The following QKI variants were observed in gnomAD, a reference collection of about 807,000 sequenced individuals.
QKI encodes KH domain-containing RNA-binding protein QKI.
In QKI, 10 loss-of-function variants were observed where a neutral mutation model predicts 39.0. The observed-to-expected ratio is 0.26, with a 90% confidence interval of 0.16 to 0.43. QKI has a LOEUF of 0.43. Among genes scored for constraint, QKI ranks in the 20% least tolerant of loss-of-function variants. QKI has a pLI of 1.00. For missense variants in QKI, 218 were observed against 428.0 expected, an observed-to-expected ratio of 0.51 and a Z score of 4.33; for synonymous variants, 204 against 155.4, an observed-to-expected ratio of 1.31 and a Z score of -2.33.
chr6:163,518,805 A>G (rs1441081020), intron 3 of QKI, among the ~76,000 whole-genome samples: 1 of 152,126 alleles, frequency 6.6e-6, no homozygotes, highest in African/African-American at 2.4e-5. Flanking sequence ...TTTCAGCATG[A>G]TTTACAAAGA....
chr6:163,468,439 T>A (rs1418814644), intron 2 of QKI, among the ~76,000 whole-genome samples: 2 of 152,338 alleles, frequency 1.3e-5, no homozygotes, highest in African/African-American at 2.4e-5. Context: ...ATTGTGATAA[T>A]GTGTTGCAGG....
chr6:163,434,747 TATAG>T (rs746697557), intron 1 of QKI, among the ~76,000 whole-genome samples: 1 of 152,014 alleles, frequency 6.6e-6, no homozygotes, highest in Non-Finnish European at 1.5e-5. Context: ...ATGTTAATTA[TATAG>T]ATAATCTTTA....
At chr6:163,566,560 A>C in intron 6 of QKI, 161 bp from the exon 7 acceptor site, 1 of 1,496,860 alleles carries the variant, frequency 6.7e-7, no homozygotes, top group Non-Finnish European at 8.9e-7. Flanking sequence ...TATATACATG[A>C]CATATTGTGG....
intron 1 of QKI, among the ~76,000 whole-genome samples, chr6:163,434,235 G>C (rs1789068915): frequency 6.6e-6 from 1 of 152,150 alleles, no homozygotes; most frequent in Non-Finnish European, 1.5e-5. Context: ...GCCTGAGATG[G>C]AAGGGGCCAC....
intron 4 of QKI, among the ~76,000 whole-genome samples, chr6:163,540,118 G>A (rs1457157500): frequency 2.1e-5 from 3 of 145,504 alleles, no homozygotes; most frequent in African/African-American, 5.1e-5. Context: ...CTTTTTTTTT[G>A]GAAAGATAGA....
chr6:163,439,416 C>T (rs532469046), intron 1 of QKI, among the ~76,000 whole-genome samples: 55 of 144,528 alleles, frequency 3.8e-4, no homozygotes, highest in African/African-American at 1.3e-3. Context: ...GGCACGATCT[C>T]GGCTCAATGC....
chr6:163,448,758 A>G (rs1454178482), intron 1 of QKI, among the ~76,000 whole-genome samples: 2 of 151,986 alleles, frequency 1.3e-5, no homozygotes, highest in East Asian at 3.9e-4. Flanking sequence ...AAGTAAATAA[A>G]TAATACTCTA....
intron 3 of QKI, among the ~76,000 whole-genome samples, chr6:163,515,776 T>C (rs1021672674): frequency 6.6e-6 from 1 of 152,180 alleles, no homozygotes; most frequent in African/African-American, 2.4e-5. Context: ...AGAAAGCACT[T>C]TGAATATTGA....
intron 1 of QKI, among the ~76,000 whole-genome samples, chr6:163,446,733 A>G (rs1376615702): frequency 6.6e-6 from 1 of 152,204 alleles, no homozygotes. Context: ...GTCAGTTTAA[A>G]TGAGAAAGGC....
chr6:163,485,974 TA>T lies in QKI; in HGVS notation c.402+7079del, dbSNP rs542007736. ...AAAAACCTCATGTTTTAAGAAAGTT[TA>T]TGAATTTGTGTGGGGCCACATTCAA... On this transcript the variant is annotated intron_variant, in intron 3 of 7. Transcript: ENST00000361752. Among the ~76,000 whole-genome samples the T allele has an allele frequency of 2.1e-3, 316 of 152,318 alleles. 1 individual carries two copies. The highest frequency in any genetic ancestry group is 3.5e-3 in the Admixed American group (54 of 15,296).
At chr6:163,418,266 A>G (rs906982083) in intron 1 of QKI, among the ~76,000 whole-genome samples, 11 of 152,120 alleles carry the variant, frequency 7.2e-5, no homozygotes, top group Admixed American at 2.6e-4. Flanking sequence ...TTTTATTTTA[A>G]AATATTTTTC....
intron 3 of QKI, among the ~76,000 whole-genome samples, chr6:163,498,979 A>G (rs1315962589): frequency 6.6e-6 from 1 of 152,172 alleles, no homozygotes; most frequent in Non-Finnish European, 1.5e-5. Context: ...TCATGTGCAC[A>G]TAGCCTGAAG....
At chr6:163,542,194 C>T (rs1335150057) in intron 4 of QKI, among the ~76,000 whole-genome samples, 1 of 151,968 alleles carries the variant, frequency 6.6e-6, no homozygotes, top group African/African-American at 2.4e-5. Context: ...TGTCTCTCCA[C>T]ACAGGAGCAC....
intron 7 of QKI, chr6:163,570,112 G>A (rs1034696923): frequency 2.0e-6 from 2 of 985,896 alleles, no homozygotes; most frequent in African/African-American, 3.5e-5. Flanking sequence ...TAGAATAATT[G>A]AAAAAGCAAT....
At chr6:163,555,145 C>T (rs1487474357) in intron 4 of QKI, among the ~76,000 whole-genome samples, 1 of 152,046 alleles carries the variant, frequency 6.6e-6, no homozygotes, top group African/African-American at 2.4e-5. Context: ...CTTTTCTACC[C>T]ATTATTTCAA....
At chr6:163,520,591 T>TA (rs1264328348) in intron 3 of QKI, among the ~76,000 whole-genome samples, 9 of 152,196 alleles carry the variant, frequency 5.9e-5, no homozygotes, top group Admixed American at 1.3e-4. Flanking sequence ...TACCACCTAT[T>TA]AGCTACAAGG....
intron 4 of QKI, among the ~76,000 whole-genome samples, chr6:163,542,957 A>G (rs1205046831): frequency 1.2e-5 from 1 of 86,164 alleles, no homozygotes; most frequent in African/African-American, 4.0e-5. Context: ...CATGTTATAG[A>G]AATTTAGGAT....
chr6:163,464,208 A>T (rs2128221411), intron 2 of QKI, among the ~76,000 whole-genome samples: 1 of 152,076 alleles, frequency 6.6e-6, no homozygotes, highest in African/African-American at 2.4e-5. Flanking sequence ...CGCAATACAT[A>T]GCCCATAGAA....
intron 3 of QKI, among the ~76,000 whole-genome samples, chr6:163,524,084 T>G (rs1780322059): frequency 6.6e-6 from 1 of 152,148 alleles, no homozygotes; most frequent in African/African-American, 2.4e-5. Flanking sequence ...GTACTGCTTG[T>G]GACATACTAA....
Sources: allele counts gnomAD v4.1 joint callset (sites outside exome capture counted in the v4.1 genomes callset), GRCh38; gene constraint gnomAD v4.1.1; transcripts MANE v1.5; gene names NCBI Gene and HGNC (gene_info 2026-07-23, HGNC 2026-07-21).